Variants in TBCEL observed in about 807,000 individuals in gnomAD.
TBCEL encodes the protein tubulin-specific chaperone cofactor E-like protein.
TBCEL carries 15 observed loss-of-function variants against 44.2 expected under a neutral mutation model. The observed-to-expected ratio is 0.34, with a 90% CI of 0.23 to 0.52. The LOEUF (loss-of-function observed/expected upper bound fraction) is 0.52. Ranked by LOEUF, TBCEL falls within the 20% of genes least tolerant of loss-of-function variation. TBCEL has a pLI of 0.95. For synonymous variants in TBCEL, 171 were observed against 185.4 expected, an observed-to-expected ratio of 0.92 and a Z score of 0.63; for missense variants, 319 against 506.3, an observed-to-expected ratio of 0.63 and a Z score of 3.55.
At chr11:121,077,464 G>T (rs1946052791) in intron 8 of TBCEL, among the ~76,000 whole-genome samples, 1 of 152,050 alleles carries the variant, frequency 6.6e-6, no homozygotes, top group Non-Finnish European at 1.5e-5. Context: ...TAATGTCTAT[G>T]TGGTCTGTGG....
rs78898111 is a variant in TBCEL, at chr11:121,087,581, A to C, written c.*485A>C. 2 of 148,432 alleles carry C rather than the reference A, an allele frequency of 1.3e-5. No individual in the cohort carries two copies. The highest frequency in any genetic ancestry group is 6.7e-5 in the Admixed American group (1 of 14,998). 9.2% of individuals were successfully genotyped at this position (148,432 alleles called of 1,614,324 possible). On this transcript the variant is annotated 3_prime_UTR_variant, in exon 9 of 9. Coordinates refer to ENST00000683345, the MANE Select transcript of TBCEL (RefSeq NM_001363644.2). ...TCCTTGGCTTTTTTGGTTCAGTTCCATTTTTTTTTCATTTTGACATGTGGT... is the reference window on the plus strand; with the variant it reads ...TCCTTGGCTTTTTTGGTTCAGTTCCCTTTTTTTTTCATTTTGACATGTGGT...
chr11:121,035,624 A>C (rs1307999229), intron 1 of TBCEL: 1 of 152,140 alleles, frequency 6.6e-6, no homozygotes, highest in African/African-American at 2.4e-5. Flanking sequence ...GTTCCTAATG[A>C]GGCTTTTCCT....
chr11:121,051,771 C>T (rs779820441), intron 4 of TBCEL, among the ~76,000 whole-genome samples: 4 of 151,702 alleles, frequency 2.6e-5, no homozygotes, highest in Non-Finnish European at 5.9e-5. Flanking sequence ...AAAAATGGTA[C>T]CCACTTTATA....
rs566357660 is a variant in TBCEL at position 121,085,191 on chromosome 11, A to G, written c.957-1587A>G. ...GTAGCTGGGACTACAGGCGCGCACC[A>G]CCACCCCTGGCTAATTTTTTGTGTT... On this transcript the variant is annotated intron_variant, in intron 8 of 8. Transcript: ENST00000683345. 3.4e-3 allele frequency among the ~76,000 whole-genome samples: 520 copies of G among 151,814 alleles called. 2 individuals carry two copies. Among genetic ancestry groups the G allele is most frequent in the African/African-American group, 0.012 (485 of 41,374 alleles).
chr11:121,049,163 A>G (rs983939692), intron 4 of TBCEL, among the ~76,000 whole-genome samples: 1 of 151,926 alleles, frequency 6.6e-6, no homozygotes, highest in African/African-American at 2.4e-5. Context: ...TTAAATGATT[A>G]TATCTTAAGG....
At chr11:121,057,854 G>A (rs1386519000) in intron 6 of TBCEL, among the ~76,000 whole-genome samples, 1 of 151,736 alleles carries the variant, frequency 6.6e-6, no homozygotes, top group Non-Finnish European at 1.5e-5. Flanking sequence ...GGATACGAGG[G>A]ACAGCTGTAT....
intron 1 of TBCEL, among the ~76,000 whole-genome samples, chr11:121,030,931 TCAA>T (rs1427727207): frequency 6.6e-6 from 1 of 152,020 alleles, no homozygotes; most frequent in East Asian, 1.9e-4. Context: ...TGTGAACAAA[TCAA>T]CACTGTTTTT....
chr11:121,029,143 TCA>T (rs1222149224), intron 1 of TBCEL, among the ~76,000 whole-genome samples: 4 of 152,214 alleles, frequency 2.6e-5, no homozygotes, highest in African/African-American at 9.6e-5. Context: ...CTTGTAAAAC[TCA>T]GTTTTACATG....
At chr11:121,054,931 C>T in intron 5 of TBCEL, 121 bp from the exon 6 acceptor site, 1 of 1,046,112 alleles carries the variant, frequency 9.6e-7, no homozygotes, top group East Asian at 3.0e-5. Context: ...ATTTTCTCCA[C>T]AATTCCTAGC....
chr11:121,050,350 C>G (rs1405125875), intron 4 of TBCEL, among the ~76,000 whole-genome samples: 1 of 151,608 alleles, frequency 6.6e-6, no homozygotes, highest in Non-Finnish European at 1.5e-5. Context: ...ATAATTTTTC[C>G]CTTAGTTTTT....
Position 121,058,246 on chromosome 11 carries a change from C to T in TBCEL, c.713-99C>T. The T allele has an allele frequency of 5.2e-6, 7 of 1,354,668 alleles. No individual in the cohort carries two copies. The South Asian group carries it at 7.9e-5, about 15-fold the overall frequency. 83.9% of individuals were successfully genotyped at this position (1,354,668 alleles called of 1,614,324 possible). A position where few individuals can be genotyped will look rare whatever the true frequency, so the allele number is the denominator to read the frequency against. ...ACCGTTTAGTTTATGATCATTTTAACATTTCAGAAGTTACTAATTGAGCTA... is the reference window on the plus strand; with the variant it reads ...ACCGTTTAGTTTATGATCATTTTAATATTTCAGAAGTTACTAATTGAGCTA... On this transcript the variant is annotated intron_variant, in intron 6 of 8. Transcript: ENST00000683345.
At chr11:121,051,531 T>C (rs949244945) in intron 4 of TBCEL, among the ~76,000 whole-genome samples, 2 of 151,746 alleles carry the variant, frequency 1.3e-5, no homozygotes, top group African/African-American at 4.8e-5. Flanking sequence ...TATTCAATCA[T>C]AGAATGCAGT....
rs367783637 is a variant in TBCEL at position 121,043,962 on chromosome 11, C to G, written c.-17-1712C>G. Among the ~76,000 whole-genome samples the G allele has an allele frequency of 1.4e-4, 21 of 152,144 alleles. No homozygotes were observed. In the East Asian group the frequency reaches 4.1e-3, roughly 29 times the overall value. Reference sequence around the variant, plus strand: ...TGAACACGTATAAAGTGGAATTCATCATTTTCTTCTGTAAAACTGGCTCTG... The same window carrying G: ...TGAACACGTATAAAGTGGAATTCATGATTTTCTTCTGTAAAACTGGCTCTG... On this transcript the variant is annotated intron_variant, in intron 2 of 8. Transcript: ENST00000683345.
At chr11:121,057,498 T>G (rs559233525) in intron 6 of TBCEL, 41 of 395,046 alleles carry the variant, frequency 1.0e-4, no homozygotes, top group African/African-American at 8.3e-4. Context: ...TTGTTTGTTT[T>G]AAATTTTAGA....
At chr11:121,039,727 A>G (rs936756999) in intron 2 of TBCEL, among the ~76,000 whole-genome samples, 4 of 152,242 alleles carry the variant, frequency 2.6e-5, no homozygotes, top group Non-Finnish European at 4.4e-5. Context: ...GAAGAAAACA[A>G]TTACCCAAGT....
At chr11:121,053,474 C>G (rs917257967) in intron 4 of TBCEL, 77 bp from the exon 5 acceptor site, 1 of 1,421,118 alleles carries the variant, frequency 7.0e-7, no homozygotes, top group Non-Finnish European at 9.7e-7. Flanking sequence ...ACCAGCTCCT[C>G]TAGGCTTTCT....
rs190134134 is a variant in TBCEL at position 121,038,351 on chromosome 11, G to A, written c.-18+1739G>A. On this transcript the variant is annotated intron_variant, in intron 2 of 8. Transcript: ENST00000683345. The stretch of plus-strand genomic sequence containing the variant: ...TGATTTATTTCATCTTTCCTGGAGG[G>A]AAAAATATGTAACATATACATATGC... Among the ~76,000 whole-genome samples, 587 of 152,122 alleles carry A rather than the reference G, an allele frequency of 3.9e-3. 25 individuals are homozygous for A. The highest frequency in any genetic ancestry group is 0.038 in the Admixed American group (573 of 15,274).
At chr11:121,033,930 CATGTCTTCA>C (rs5795260) in intron 1 of TBCEL, among the ~76,000 whole-genome samples, 10,454 of 151,558 alleles carry the variant, frequency 0.069, 475 homozygotes, top group Non-Finnish European at 0.1. Flanking sequence ...CATTTAGCAT[CATGTCTTCA>C]AGGTTTATAT....
At position 121,086,993 on chromosome 11, in the gene TBCEL, A is replaced by C. The variant is rs1406497336; in HGVS notation, c.1172A>C (p.Glu391Ala). 2 of 1,613,974 alleles carry C rather than the reference A, an allele frequency of 1.2e-6. No homozygotes were observed. Among genetic ancestry groups the C allele is most frequent in the South Asian group, 1.1e-5 (1 of 91,080 alleles). ...SNMLLYYFDH[E>A]APFGPEEMKY... Reference sequence around the variant, plus strand: ...ATGCTTCTCTACTATTTTGACCATGAAGCACCCTTTGGCCCAGAGGAAATG... The same window carrying C: ...ATGCTTCTCTACTATTTTGACCATGCAGCACCCTTTGGCCCAGAGGAAATG... Residue 391 changes from glutamate (E) to alanine (A), a missense_variant, in exon 9 of 9, where the codon GAA (glutamate) becomes GCA (alanine). Coordinates refer to ENST00000683345, the MANE Select transcript of TBCEL (RefSeq NM_001363644.2).
Sources: allele counts gnomAD v4.1 joint callset (sites outside exome capture counted in the v4.1 genomes callset), GRCh38; gene constraint gnomAD v4.1.1; transcripts MANE v1.5; gene names NCBI Gene and HGNC (gene_info 2026-07-23, HGNC 2026-07-21).